TRAM1: variants seen among roughly 807,000 people sequenced by gnomAD.
TRAM1 encodes translocating chain-associated membrane protein 1.
Under a neutral mutation model 48.7 loss-of-function variants are expected in TRAM1, and 17 were observed. The ratio of observed to expected loss-of-function variants is 0.35; its 90% CI spans 0.24 to 0.52. The LOEUF is 0.52. TRAM1 is among the 20% of genes least tolerant of loss of function. The pLI is 0.94. For synonymous variants in TRAM1, 182 were observed against 154.0 expected, an observed-to-expected ratio of 1.18 and a Z score of -1.34; for missense variants, 351 against 441.5, an observed-to-expected ratio of 0.79 and a Z score of 1.84.
At chr8:70,589,786 C>G (rs268621) in intron 6 of TRAM1, among the ~76,000 whole-genome samples, 113,407 of 152,120 alleles carry the variant, frequency 0.75, 43,428 homozygotes, top group Non-Finnish European at 0.83. Flanking sequence ...TGCAGCTGCA[C>G]TGAGCCGTGA....
chr8:70,596,174 G>T, intron 5 of TRAM1, 89 bp downstream of exon 5: 1 of 1,073,906 alleles, frequency 9.3e-7, no homozygotes, highest in Non-Finnish European at 1.3e-6. Flanking sequence ...TTTGCCTAAG[G>T]TCCTAAAGAG....
intron 1 of TRAM1, among the ~76,000 whole-genome samples, chr8:70,602,434 A>T (rs1817624547): frequency 6.6e-6 from 1 of 152,240 alleles, no homozygotes; most frequent in Admixed American, 6.5e-5. Context: ...GGATGGAGGC[A>T]TATGACAGGG....
At chr8:70,598,281 C>T (rs1817534144) in intron 2 of TRAM1, 26 bp from the exon 3 acceptor site, 1 of 1,585,224 alleles carries the variant, frequency 6.3e-7, no homozygotes, top group African/African-American at 1.4e-5. Context: ...GACACAAATA[C>T]ACAAAAATAT....
rs112182303 is a variant in TRAM1, at chr8:70,594,526, A to G, written c.550T>C (p.Tyr184His). ...CTTACTTTTTTGGTTTTCTGGAAGT[A>G]GAGTTCAGGAAAAGCATGAAGCCAG... is the stretch of plus-strand genomic sequence containing the variant. ...AYWLHAFPEL[Y>H]FQKTKKEDIP... Residue 184 changes from tyrosine (Y) to histidine (H), a missense_variant, in exon 6 of 11, where the codon TAC (tyrosine) becomes CAC (histidine). By Grantham distance (83) the Tyr-to-His change is moderately conservative. Coordinates refer to ENST00000262213, the MANE Select transcript of TRAM1 (RefSeq NM_014294.6). 6.2e-7 allele frequency: 1 copy of G among 1,601,950 alleles called. No individual in the cohort carries two copies.
chr8:70,586,788 G>T, intron 8 of TRAM1, 107 bp downstream of exon 8: 2 of 891,626 alleles, frequency 2.2e-6, no homozygotes, highest in Non-Finnish European at 3.5e-6. Flanking sequence ...AGCGGCTACT[G>T]ATCGCTTAAA....
At chr8:70,587,239 G>A (rs2132031932) in intron 6 of TRAM1, 63 bp from the exon 7 acceptor site, 1 of 1,526,458 alleles carries the variant, frequency 6.6e-7, no homozygotes, top group South Asian at 1.2e-5. Context: ...TTTTTTAAGA[G>A]GTGTGGTCTT....
At chr8:70,607,990 T>C in intron 1 of TRAM1, 87 bp downstream of exon 1, 11 of 1,434,050 alleles carry the variant, frequency 7.7e-6, no homozygotes, top group Non-Finnish European at 1.0e-5. Context: ...CCCCGCGTCC[T>C]GGGCGGAGAA....
At position 70,603,303 on chromosome 8, in the gene TRAM1, T is replaced by TACACACACAC. The variant is rs35864770; in HGVS notation, c.124-3231_124-3222dup. The stretch of plus-strand genomic sequence containing the variant: ...ATATACACACTATATATATGTTTTA[T>TACACACACAC]ACACACACACACACACACACACACA... On this transcript the variant is annotated intron_variant, in intron 1 of 10. Transcript: ENST00000262213. Among the ~76,000 whole-genome samples, 932 of 150,040 alleles carry TACACACACAC rather than the reference T, an allele frequency of 6.2e-3. 6 individuals are homozygous for TACACACACAC. The highest frequency in any genetic ancestry group is 0.021 in the African/African-American group (873 of 40,752).
At position 70,597,656 on chromosome 8, in the gene TRAM1, G is replaced by A. The variant is rs563999799; in HGVS notation, c.426+239C>T. ...CTGCACTCCAGCCTGGAGACAGAGC[G>A]AGACTCTGTCTCAAAAAAAAAAAAA... On this transcript the variant is annotated intron_variant, in intron 4 of 10. Coordinates refer to ENST00000262213, the MANE Select transcript of TRAM1 (RefSeq NM_014294.6). Among the ~76,000 whole-genome samples, 142 of 102,216 alleles carry A rather than the reference G, an allele frequency of 1.4e-3. 1 individual carries two copies. The highest frequency in any genetic ancestry group is 4.2e-3 in the South Asian group (11 of 2,594). 67.1% of individuals were successfully genotyped at this position (102,216 alleles called of 152,430 possible).
At position 70,608,394 on chromosome 8, in the gene TRAM1, T is replaced by G. The variant is rs1158667033; in HGVS notation, c.-195A>C. 18 of 443,932 alleles carry G rather than the reference T, an allele frequency of 4.1e-5. No homozygotes were observed. Among genetic ancestry groups the G allele is most frequent in the East Asian group, 9.9e-5 (2 of 20,210 alleles). 27.5% of individuals were successfully genotyped at this position (443,932 alleles called of 1,614,324 possible). A position where few individuals can be genotyped will look rare whatever the true frequency, so the allele number is the denominator to read the frequency against. On this transcript the variant is annotated 5_prime_UTR_variant, in exon 1 of 11. An upstream open reading frame in the 5' UTR loses its in-frame stop. Coordinates refer to ENST00000262213, the MANE Select transcript of TRAM1 (RefSeq NM_014294.6). ...GGGGGAAAAAAAAAAACACAACAGC[T>G]AGCCCGCAGCGGGGGCGAGCATGCG...
intron 8 of TRAM1, among the ~76,000 whole-genome samples, chr8:70,584,678 A>G (rs1160167989): frequency 6.6e-6 from 1 of 152,194 alleles, no homozygotes; most frequent in Non-Finnish European, 1.5e-5. Context: ...TCCCATTCAT[A>G]ATTGCTTCAA....
At chr8:70,586,608 T>C (rs1817226706) in intron 8 of TRAM1, among the ~76,000 whole-genome samples, 1 of 151,760 alleles carries the variant, frequency 6.6e-6, no homozygotes, top group Non-Finnish European at 1.5e-5. Context: ...CTATCACTCC[T>C]CCAAAAGAAA....
rs865776436 is a variant in TRAM1, at chr8:70,583,239, G to A, written c.976C>T (p.His326Tyr). 1 of 1,613,994 alleles carries A rather than the reference G, an allele frequency of 6.2e-7. No individual in the cohort carries two copies. ...ACAGCTGGTGCCTGAAAAGCAGAAT[G>A]TTCCCTCCACCTTCGAAGCTGAAAA... ...INFQLRRWRE[H>Y]SAFQAPAVKK... The change falls in exon 10 of 11, where the codon CAT becomes TAT. Residue 326 changes from histidine to tyrosine, a missense_variant. Coordinates refer to ENST00000262213, the MANE Select transcript of TRAM1 (RefSeq NM_014294.6).
intron 10 of TRAM1, among the ~76,000 whole-genome samples, chr8:70,575,777 T>A (rs1816933839): frequency 6.6e-6 from 1 of 151,966 alleles, no homozygotes; most frequent in African/African-American, 2.4e-5. Context: ...AAAGACATAT[T>A]GAAACCTGTG....
At chr8:70,596,432 G>T in intron 4 of TRAM1, 111 bp from the exon 5 acceptor site, 1 of 675,454 alleles carries the variant, frequency 1.5e-6, no homozygotes. Flanking sequence ...AGGTTGCAAA[G>T]AACCCACTAA....
chr8:70,607,717 G>A (rs1222623099), intron 1 of TRAM1: 1 of 162,264 alleles, frequency 6.2e-6, no homozygotes, highest in Non-Finnish European at 1.3e-5. Flanking sequence ...CGCAGGGGCC[G>A]CCCCCGCCCG....
intron 1 of TRAM1, among the ~76,000 whole-genome samples, chr8:70,601,411 A>G (rs892263255): frequency 7.2e-5 from 11 of 152,198 alleles, no homozygotes; most frequent in Non-Finnish European, 1.2e-4. Context: ...CTGTCTTCCT[A>G]GAGTAGGTCA....
intron 8 of TRAM1, among the ~76,000 whole-genome samples, chr8:70,586,549 T>C (rs1817225778): frequency 6.6e-6 from 1 of 152,194 alleles, no homozygotes; most frequent in Admixed American, 6.5e-5. Context: ...TTTAGTTATC[T>C]ATAAGGCTAA....
intron 1 of TRAM1, 62 bp downstream of exon 1, chr8:70,608,015 C>T (rs1481270861): frequency 4.0e-6 from 6 of 1,495,458 alleles, no homozygotes; most frequent in Non-Finnish European, 5.3e-6. Flanking sequence ...GGGCTGGCAT[C>T]TGGAGCCCGG....
Sources: allele counts gnomAD v4.1 joint callset (sites outside exome capture counted in the v4.1 genomes callset), GRCh38; gene constraint gnomAD v4.1.1; transcripts MANE v1.5; gene names NCBI Gene and HGNC (gene_info 2026-07-23, HGNC 2026-07-21).